The following XKR4 variants were observed in gnomAD, a reference collection of about 807,000 sequenced individuals.
The protein encoded by XKR4 is XK related 4.
XKR4 carries 12 observed loss-of-function variants against 53.9 expected under a neutral mutation model. The observed-to-expected ratio is 0.22, with a 90% CI of 0.14 to 0.36. The LOEUF (loss-of-function observed/expected upper bound fraction) is 0.36. Among genes scored for constraint, XKR4 ranks in the 10% least tolerant of loss-of-function variants. The pLI is 1.00. For synonymous variants in XKR4, 354 were observed against 362.4 expected (o/e 0.98, Z 0.26); for missense variants, 799 against 859.5 (o/e 0.93, Z 0.88).
intron 1 of XKR4, among the ~76,000 whole-genome samples, chr8:55,235,698 C>G (rs967199594): frequency 6.6e-6 from 1 of 152,022 alleles, no homozygotes; most frequent in Non-Finnish European, 1.5e-5. Context: ...GAGTTCAGAC[C>G]TGAAGGCAAA....
chr8:55,389,063 A>G (rs1299297457), intron 2 of XKR4, among the ~76,000 whole-genome samples: 1 of 152,246 alleles, frequency 6.6e-6, no homozygotes, highest in Non-Finnish European at 1.5e-5. Context: ...ATTTGGACAC[A>G]TGAACACGAA....
intron 1 of XKR4, among the ~76,000 whole-genome samples, chr8:55,340,732 A>G (rs147509923): frequency 1.5e-3 from 228 of 152,338 alleles, no homozygotes; most frequent in African/African-American, 5.2e-3. Context: ...AGGGGACAAG[A>G]GTCACTGTGG....
intron 2 of XKR4, among the ~76,000 whole-genome samples, chr8:55,463,830 A>C (rs2129398575): frequency 6.6e-6 from 1 of 152,282 alleles, no homozygotes; most frequent in East Asian, 1.9e-4. Flanking sequence ...AACTACCATC[A>C]GAGAATACTA....
intron 1 of XKR4, among the ~76,000 whole-genome samples, chr8:55,250,392 A>G (rs1251463676): frequency 1.3e-5 from 2 of 152,214 alleles, no homozygotes; most frequent in Non-Finnish European, 1.5e-5. Context: ...CAGGTCATAC[A>G]GTGCTCCTTT....
At chr8:55,407,725 G>A (rs910719975) in intron 2 of XKR4, among the ~76,000 whole-genome samples, 11 of 152,230 alleles carry the variant, frequency 7.2e-5, no homozygotes, top group Admixed American at 5.2e-4. Flanking sequence ...GGAAAAGACC[G>A]TTCCTAAGAA....
chr8:55,117,295 G>T (rs1816323597), intron 1 of XKR4, among the ~76,000 whole-genome samples: 1 of 152,084 alleles, frequency 6.6e-6, no homozygotes, highest in African/African-American at 2.4e-5. Flanking sequence ...ACCAGGGAAA[G>T]GGCAGTGAGT....
chr8:55,300,951 T>A (rs562913435), intron 1 of XKR4, among the ~76,000 whole-genome samples: 7 of 152,272 alleles, frequency 4.6e-5, no homozygotes, highest in African/African-American at 1.7e-4. Flanking sequence ...AGGTCCAAAC[T>A]GGTGTTTCTC....
chr8:55,447,055 GAAAA>G (rs5891573), intron 2 of XKR4, among the ~76,000 whole-genome samples: 4 of 132,392 alleles, frequency 3.0e-5, no homozygotes, highest in Middle Eastern at 4.0e-3. Context: ...ACCTGATTGG[GAAAA>G]AAAAAAAAAA....
chr8:55,304,509 A>G (rs1261676538), intron 1 of XKR4, among the ~76,000 whole-genome samples: 2 of 152,194 alleles, frequency 1.3e-5, no homozygotes, highest in Non-Finnish European at 2.9e-5. Flanking sequence ...GATGTCTTTT[A>G]GGTCCACTTG....
At position 55,530,753 on chromosome 8, in the gene XKR4, G is replaced by A. The variant is rs1806940886; in HGVS notation, c.*6526G>A. On this transcript the variant is annotated 3_prime_UTR_variant, in exon 3 of 3. Transcript: ENST00000327381. ...AAGTCACTGATTTTTATAGGAAATAGCATGTAAAATAAATCTAAGTATTGC... is the reference window on the plus strand; with the variant it reads ...AAGTCACTGATTTTTATAGGAAATAACATGTAAAATAAATCTAAGTATTGC... 1 of 152,140 alleles carries A rather than the reference G, an allele frequency of 6.6e-6. No individual in the cohort carries two copies. The highest frequency in any genetic ancestry group is 2.4e-5 in the African/African-American group (1 of 41,448). The allele number at this position is 152,140 out of a possible 1,614,324, so 9.4% of individuals were successfully genotyped here.
chr8:55,368,094 G>A (rs1441917638), intron 2 of XKR4, among the ~76,000 whole-genome samples: 1 of 152,098 alleles, frequency 6.6e-6, no homozygotes, highest in Non-Finnish European at 1.5e-5. Flanking sequence ...CCAAGTAGCT[G>A]AGACTACAGG....
In XKR4 at chr8:55,525,007, G is replaced by A. The variant is rs1385651326; in HGVS notation, c.*780G>A. On this transcript the variant is annotated 3_prime_UTR_variant, in exon 3 of 3. Transcript: ENST00000327381. ...ATAACTTCATGATGTAAATTAAATA[G>A]TAATCATGATTCAGTATTCAATTGC... 6.6e-6 allele frequency: 1 copy of A among 152,614 alleles called. No homozygotes were observed. The highest frequency in any genetic ancestry group is 2.4e-5 in the African/African-American group (1 of 41,444). The allele number at this position is 152,614 out of a possible 1,614,324, so 9.5% of individuals were successfully genotyped here.
intron 1 of XKR4, among the ~76,000 whole-genome samples, chr8:55,174,669 T>C (rs1817208032): frequency 6.6e-6 from 1 of 152,344 alleles, no homozygotes; most frequent in African/African-American, 2.4e-5. Flanking sequence ...TGGGAAGGCC[T>C]GGGGCTTTGA....
At chr8:55,436,783 G>A (rs923646049) in intron 2 of XKR4, among the ~76,000 whole-genome samples, 6 of 152,158 alleles carry the variant, frequency 3.9e-5, no homozygotes, top group Admixed American at 1.3e-4. Context: ...CCTTCTCAAA[G>A]CCAAAGTGTT....
At chr8:55,219,725 ATAAATG>A (rs1332707798) in intron 1 of XKR4, among the ~76,000 whole-genome samples, 1 of 152,194 alleles carries the variant, frequency 6.6e-6, no homozygotes, top group Non-Finnish European at 1.5e-5. Flanking sequence ...TGAGGCTCAT[ATAAATG>A]TAAGCTATTG....
rs1817978282 is a variant in XKR4 at position 55,227,906 on chromosome 8, T to G, written c.806+124612T>G. 2.6e-5 allele frequency among the ~76,000 whole-genome samples: 4 copies of G among 152,296 alleles called. No homozygotes were observed. The South Asian group carries it at 8.3e-4, about 32-fold the overall frequency. ...TGCCACATAATATCATTACCGTTTT[T>G]TGTTTTTTGTGTTTTTTTGAGATAG... On this transcript the variant is annotated intron_variant, in intron 1 of 2. Coordinates refer to ENST00000327381, the MANE Select transcript of XKR4 (RefSeq NM_052898.2).
At chr8:55,173,025 T>A (rs1480675817) in intron 1 of XKR4, among the ~76,000 whole-genome samples, 1 of 152,250 alleles carries the variant, frequency 6.6e-6, no homozygotes, top group Non-Finnish European at 1.5e-5. Context: ...ATTTTGTAGC[T>A]GGAGTGAGTA....
At chr8:55,453,332 T>C (rs890052230) in intron 2 of XKR4, 2 of 478,560 alleles carry the variant, frequency 4.2e-6, no homozygotes, top group Non-Finnish European at 8.6e-6. Flanking sequence ...CTGCTGGTGG[T>C]CCAGGACCAC....
chr8:55,318,543 G>A (rs1803152843), intron 1 of XKR4, among the ~76,000 whole-genome samples: 1 of 152,126 alleles, frequency 6.6e-6, no homozygotes. Context: ...CCCAATCCAG[G>A]GAGAAAGCAA....
Sources: allele counts gnomAD v4.1 joint callset (sites outside exome capture counted in the v4.1 genomes callset), GRCh38; gene constraint gnomAD v4.1.1; transcripts MANE v1.5; gene names NCBI Gene and HGNC (gene_info 2026-07-23, HGNC 2026-07-21).